The following PRMT7 variants were observed in gnomAD, a reference collection of about 807,000 sequenced individuals.
The protein encoded by PRMT7 is protein arginine N-methyltransferase 7.
A neutral mutation model predicts 85.4 loss-of-function variants in PRMT7; 75 were observed. The observed-to-expected ratio is 0.88, with a 90% confidence interval of 0.73 to 1.06. PRMT7 has a LOEUF of 1.06. Among genes scored for constraint, PRMT7 ranks in the 50% least tolerant of loss-of-function variants. The pLI is 0.00. For missense variants in PRMT7, 868 were observed against 915.2 expected (o/e 0.95, Z 0.67); for synonymous variants, 397 against 359.5 (o/e 1.10, Z -1.18).
At chr16:68,322,501 G>T in intron 4 of PRMT7, 1 of 402,768 alleles carries the variant, frequency 2.5e-6, no homozygotes, top group Non-Finnish European at 5.1e-6. Context: ...CCCGGCCATC[G>T]TGTGCTTGTT....
At chr16:68,337,349 A>G (rs2084855292) in intron 6 of PRMT7, 110 bp from the exon 7 acceptor site, 4 of 678,552 alleles carry the variant, frequency 5.9e-6, no homozygotes, top group Admixed American at 5.6e-5. Context: ...CAGCATGTAT[A>G]TGTGCTTTTA....
At chr16:68,315,860 T>G (rs1597097267) in intron 2 of PRMT7, 37 bp from the exon 3 acceptor site, 3 of 817,852 alleles carry the variant, frequency 3.7e-6, no homozygotes, top group East Asian at 5.2e-5. Context: ...TCTGTTCGTT[T>G]GTTTATATAC....
chr16:68,338,939 G>T (rs1187989663), intron 7 of PRMT7, among the ~76,000 whole-genome samples: 1 of 152,130 alleles, frequency 6.6e-6, no homozygotes, highest in Admixed American at 6.5e-5. Flanking sequence ...CAGCTGAGGG[G>T]GCACCGTGGT....
intron 16 of PRMT7, among the ~76,000 whole-genome samples, chr16:68,353,941 A>G (rs2087844241): frequency 6.6e-6 from 1 of 152,156 alleles, no homozygotes; most frequent in African/African-American, 2.4e-5. Context: ...GGTTATTTAC[A>G]TGGTAGGGGT....
At chr16:68,344,968 A>T (rs74024624) in intron 9 of PRMT7, among the ~76,000 whole-genome samples, 1,752 of 140,628 alleles carry the variant, frequency 0.012, 49 homozygotes, top group African/African-American at 0.044. Flanking sequence ...GGGCATGCAC[A>T]TTTTTTTTTT....
intron 16 of PRMT7, chr16:68,354,313 G>A (rs1343449525): frequency 2.0e-5 from 3 of 152,296 alleles, no homozygotes; most frequent in East Asian, 1.9e-4. Flanking sequence ...CTGGGAGGTC[G>A]AGGCTGCAGT....
Position 68,329,105 on chromosome 16 carries a change from G to T in PRMT7, c.322G>T (p.Glu108Ter), listed in dbSNP as rs1014959895. 4.3e-6 allele frequency: 7 copies of T among 1,612,858 alleles called. No homozygotes were observed. The Admixed American group carries it at 8.3e-5, about 19-fold the overall frequency. Residue 108 changes from glutamate to a stop codon, truncating the protein, a stop_gained, in exon 6 of 19, where the codon GAG becomes TAG. Coordinates refer to ENST00000441236, the MANE Select transcript of PRMT7 (RefSeq NM_019023.5). LOFTEE classifies it high-confidence loss of function. ...GGCTGATGCTGCTGTGAAGATTGTG[G>T]AGAAAAATGGCTTTAGTGATAAGAT... ...PMADAAVKIV[E>*]KNGFSDKIKV...
At chr16:68,311,196 T>C in intron 1 of PRMT7, 97 bp downstream of exon 1, 1 of 569,062 alleles carries the variant, frequency 1.8e-6, no homozygotes, top group South Asian at 1.9e-5. Flanking sequence ...CAGAGGAGCC[T>C]AGCGTGGGCC....
chr16:68,339,909 G>A lies in PRMT7; in HGVS notation c.868G>A (p.Gly290Arg), dbSNP rs757988955. The A allele has an allele frequency of 5.0e-6, 8 of 1,614,066 alleles. No individual in the cohort carries two copies. The highest frequency in any genetic ancestry group is 2.7e-5 in the African/African-American group (2 of 74,928). ...SWWDIEMDPE[G>R]KIKCTMAPFW... ...GTGGGACATTGAAATGGACCCTGAG[G>A]GGAAGATCAAGTGCACCATGGCCCC... The change falls in exon 9 of 19, where the codon GGG becomes AGG. Residue 290 changes from glycine to arginine, a missense_variant. Physicochemically the swap from Gly to Arg is moderately radical, Grantham distance 125. Transcript: ENST00000441236.
At chr16:68,334,944 G>T (rs550806165) in intron 6 of PRMT7, among the ~76,000 whole-genome samples, 2 of 152,022 alleles carry the variant, frequency 1.3e-5, no homozygotes, top group South Asian at 4.2e-4. Flanking sequence ...CTACAGGCGC[G>T]TGCTACTACA....
chr16:68,327,945 A>G (rs78380505), intron 5 of PRMT7, among the ~76,000 whole-genome samples: 2 of 151,800 alleles, frequency 1.3e-5, no homozygotes, highest in Non-Finnish European at 2.9e-5. Context: ...AAAAAAAAAG[A>G]AAAATTAAAT....
intron 6 of PRMT7, among the ~76,000 whole-genome samples, chr16:68,331,828 A>T (rs1367071998): frequency 1.3e-5 from 2 of 152,030 alleles, no homozygotes; most frequent in Non-Finnish European, 2.9e-5. Context: ...ATTCTTTTTC[A>T]TAACTTCCAT....
Position 68,324,759 on chromosome 16 carries a change from A to G in PRMT7, c.209A>G (p.Asp70Gly). ...KDRGQKALVLDIGTGTGLLSM... is the reference protein window; with the variant it reads ...KDRGQKALVLGIGTGTGLLSM... ...AGAGGACAGAAGGCCTTGGTTCTCGACATTGGCACTGGCACGGGACTCTTG... is the reference window on the plus strand; with the variant it reads ...AGAGGACAGAAGGCCTTGGTTCTCGGCATTGGCACTGGCACGGGACTCTTG... Residue 70 changes from aspartate (D) to glycine (G), a missense_variant, in exon 5 of 19, where the codon GAC becomes GGC. Asp to Gly is a moderately conservative substitution (Grantham distance 94). Transcript: ENST00000441236. 1.9e-6 allele frequency: 3 copies of G among 1,613,970 alleles called. No individual in the cohort carries two copies. The highest frequency in any genetic ancestry group is 2.5e-6 in the Non-Finnish European group (3 of 1,179,970).
intron 15 of PRMT7, 79 bp from the exon 16 acceptor site, chr16:68,353,413 G>A (rs2087715981): frequency 6.2e-7 from 1 of 1,600,476 alleles, no homozygotes. Context: ...GGAACAGCAA[G>A]ATGTGCCTCT....
In PRMT7 at chr16:68,356,683, C is replaced by G. The variant is rs754209937; in HGVS notation, c.1812-18C>G. 7 of 1,597,556 alleles carry G rather than the reference C, an allele frequency of 4.4e-6. No individual in the cohort carries two copies. The highest frequency in any genetic ancestry group is 4.0e-5 in the African/African-American group (3 of 74,518). On this transcript the variant is annotated intron_variant, in intron 17 of 18. Coordinates refer to ENST00000441236, the MANE Select transcript of PRMT7 (RefSeq NM_019023.5). ...CTCTTGTGTGACTACTTCTGCTGGG[C>G]CCCCCTCTCCTTGACAGGCCCGGGC... is the stretch of plus-strand genomic sequence containing the variant.
intron 14 of PRMT7, among the ~76,000 whole-genome samples, chr16:68,349,135 G>A (rs142807183): frequency 2.6e-5 from 4 of 152,146 alleles, no homozygotes; most frequent in South Asian, 2.1e-4. Context: ...TTACTCCCAC[G>A]GTCTCCCTGC....
chr16:68,350,560 T>G (rs1280046421), intron 14 of PRMT7, among the ~76,000 whole-genome samples: 1 of 152,164 alleles, frequency 6.6e-6, no homozygotes, highest in Non-Finnish European at 1.5e-5. Context: ...CTTGGTGAAA[T>G]GTCTATTCAA....
intron 9 of PRMT7, among the ~76,000 whole-genome samples, chr16:68,340,355 G>A (rs1007967022): frequency 6.6e-6 from 1 of 152,164 alleles, no homozygotes; most frequent in African/African-American, 2.4e-5. Context: ...ATAGAAAGTA[G>A]GCAGAGGACA....
chr16:68,346,724 T>G (rs568066816), intron 11 of PRMT7, among the ~76,000 whole-genome samples: 2 of 151,466 alleles, frequency 1.3e-5, no homozygotes, highest in South Asian at 2.1e-4. Context: ...AGAGGGAGGG[T>G]CTCTTGAGGC....
Sources: gnomAD v4.1 joint callset for allele counts (sites outside exome capture counted in the v4.1 genomes callset) on GRCh38, gnomAD v4.1.1 for gene constraint, MANE v1.5 for transcripts, NCBI Gene and HGNC (gene_info 2026-07-23, HGNC 2026-07-21) for gene names.